CRPPA: variants seen among roughly 807,000 people sequenced by gnomAD.
The protein encoded by CRPPA is CDP-L-ribitol pyrophosphorylase A.
CRPPA carries 43 observed loss-of-function variants against 52.0 expected under a neutral mutation model. That is an observed-to-expected ratio of 0.83 (90% CI 0.65 to 1.07). CRPPA has a LOEUF of 1.07. Among genes scored for constraint, CRPPA ranks in the 50% least tolerant of loss-of-function variants. The pLI is 0.00. For synonymous variants in CRPPA, 250 were observed against 203.5 expected (o/e 1.23, Z -1.94); for missense variants, 629 against 551.7 (o/e 1.14, Z -1.40).
At chr7:16,239,220 CA>C (rs886303660) in intron 8 of CRPPA, among the ~76,000 whole-genome samples, 2 of 147,222 alleles carry the variant, frequency 1.4e-5, no homozygotes, top group African/African-American at 5.0e-5. Flanking sequence ...GAACTAAATT[CA>C]AAAACATTAA....
intron 9 of CRPPA, among the ~76,000 whole-genome samples, chr7:16,130,144 TAA>T (rs1200614866): frequency 2.0e-5 from 3 of 152,322 alleles, no homozygotes; most frequent in African/African-American, 7.2e-5. Flanking sequence ...ACTAGGATGT[TAA>T]AAAGAGTACA....
At position 16,090,313 on chromosome 7, in the gene CRPPA, A is replaced by G. The variant is rs1483104263; in HGVS notation, c.*1382T>C. On this transcript the variant is annotated 3_prime_UTR_variant, in exon 10 of 10. Transcript: ENST00000407010. ...CCAACATGTTAAATAAAAATTCCAC[A>G]AGGTAGATATTGTATAGTGTATCTT... is the stretch of plus-strand genomic sequence containing the variant. The G allele has an allele frequency of 1.3e-5, 2 of 152,130 alleles. No homozygotes were observed. The highest frequency in any genetic ancestry group is 2.9e-5 in the Non-Finnish European group (2 of 68,028). 9.4% of individuals were successfully genotyped at this position (152,130 alleles called of 1,614,324 possible). A position where few individuals can be genotyped will look rare whatever the true frequency, so the allele number is the denominator to read the frequency against.
intron 8 of CRPPA, among the ~76,000 whole-genome samples, chr7:16,222,434 T>TA (rs1554292939): frequency 6.7e-6 from 1 of 149,276 alleles, no homozygotes; most frequent in Non-Finnish European, 1.5e-5. Context: ...CCCTAAAACT[T>TA]AAAGTATAAT....
intron 9 of CRPPA, among the ~76,000 whole-genome samples, chr7:16,095,743 A>G (rs1460101078): frequency 6.6e-6 from 1 of 152,178 alleles, no homozygotes; most frequent in Non-Finnish European, 1.5e-5. Context: ...GAAAAGACAT[A>G]GATTAACAAT....
chr7:16,369,791 T>C (rs1291552614), intron 3 of CRPPA, among the ~76,000 whole-genome samples: 1 of 151,562 alleles, frequency 6.6e-6, no homozygotes, highest in African/African-American at 2.4e-5. Flanking sequence ...AGAACCACAA[T>C]AGGAACTTAA....
intron 9 of CRPPA, among the ~76,000 whole-genome samples, chr7:16,181,624 C>A (rs1251657960): frequency 6.6e-6 from 1 of 151,948 alleles, no homozygotes; most frequent in Non-Finnish European, 1.5e-5. Context: ...CCTGTCAGAG[C>A]ACATTTTTTC....
intron 9 of CRPPA, among the ~76,000 whole-genome samples, chr7:16,175,551 C>T (rs1466712271): frequency 1.3e-5 from 2 of 152,134 alleles, no homozygotes; most frequent in Non-Finnish European, 2.9e-5. Flanking sequence ...ACTATAACCA[C>T]TGAAGGGCCA....
rs1781763403 is a variant in CRPPA at position 16,089,210 on chromosome 7, A to G, written c.*2485T>C. On this transcript the variant is annotated 3_prime_UTR_variant, in exon 10 of 10. Transcript: ENST00000407010. Reference sequence around the variant, plus strand: ...CATATATGTGTGTATATACGTACGTATATACATATATGTGTGTATGCGTAC... The same window carrying G: ...CATATATGTGTGTATATACGTACGTGTATACATATATGTGTGTATGCGTAC... The G allele has an allele frequency of 2.7e-6, 1 of 364,084 alleles. No homozygotes were observed. Among genetic ancestry groups the G allele is most frequent in the Non-Finnish European group, 6.1e-6 (1 of 164,196 alleles). 22.6% of individuals were successfully genotyped at this position (364,084 alleles called of 1,614,324 possible). A position where few individuals can be genotyped will look rare whatever the true frequency, so the allele number is the denominator to read the frequency against.
In CRPPA at chr7:16,207,803, GTAA is replaced by G. The variant is rs1400289449; in HGVS notation, c.1251+8260_1251+8262del. 1.6e-4 allele frequency among the ~76,000 whole-genome samples: 25 copies of G among 152,290 alleles called. No homozygotes were observed. In the South Asian group the frequency reaches 2.1e-3, roughly 13 times the overall value. On this transcript the variant is annotated intron_variant, in intron 9 of 9. Coordinates refer to ENST00000407010, the MANE Select transcript of CRPPA (RefSeq NM_001101426.4). ...CATTTTAAATTTTTCATTGATATAAGTAATAGAGCAGGAGTTTTACTGAGTAAA... is the reference window on the plus strand; with the variant it reads ...CATTTTAAATTTTTCATTGATATAAGTAGAGCAGGAGTTTTACTGAGTAAA...
intron 9 of CRPPA, among the ~76,000 whole-genome samples, chr7:16,200,128 A>C (rs926093778): frequency 6.6e-6 from 1 of 152,092 alleles, no homozygotes; most frequent in Non-Finnish European, 1.5e-5. Flanking sequence ...AAAGTGCTGG[A>C]ATTAAAGGCG....
intron 6 of CRPPA, among the ~76,000 whole-genome samples, chr7:16,275,459 AG>A (rs140023636): frequency 1.2e-3 from 182 of 152,336 alleles, no homozygotes; most frequent in African/African-American, 4.3e-3. Flanking sequence ...GAGAAAGTAC[AG>A]GCAAAGGACG....
At chr7:16,124,606 T>C (rs1414001208) in intron 9 of CRPPA, among the ~76,000 whole-genome samples, 2 of 152,086 alleles carry the variant, frequency 1.3e-5, no homozygotes. Context: ...AGATACAAAA[T>C]TACAGCTAGA....
intron 8 of CRPPA, among the ~76,000 whole-genome samples, chr7:16,241,749 G>A (rs190434698): frequency 7.2e-5 from 11 of 152,006 alleles, no homozygotes; most frequent in African/African-American, 2.7e-4. Flanking sequence ...TTACTTTTTG[G>A]ATGTGGGAAG....
intron 3 of CRPPA, among the ~76,000 whole-genome samples, chr7:16,314,855 G>A (rs759411934): frequency 6.6e-6 from 1 of 152,016 alleles, no homozygotes; most frequent in Non-Finnish European, 1.5e-5. Context: ...ATATGCTTAG[G>A]TGTAGTTTAT....
At chr7:16,311,689 T>C (rs1785037619) in intron 3 of CRPPA, among the ~76,000 whole-genome samples, 1 of 152,124 alleles carries the variant, frequency 6.6e-6, no homozygotes, top group African/African-American at 2.4e-5. Flanking sequence ...AAGAGTATGT[T>C]TTGTAAGATG....
chr7:16,191,694 G>A (rs181695237), intron 9 of CRPPA, among the ~76,000 whole-genome samples: 288 of 152,198 alleles, frequency 1.9e-3, no homozygotes, highest in Non-Finnish European at 3.6e-3. Flanking sequence ...AGTGAAATGT[G>A]CTACCCCAAG....
At chr7:16,206,645 G>A (rs1244613007) in intron 9 of CRPPA, among the ~76,000 whole-genome samples, 1 of 152,048 alleles carries the variant, frequency 6.6e-6, no homozygotes, top group African/African-American at 2.4e-5. Context: ...CAAATTCTCT[G>A]TGGTACTCTT....
At chr7:16,238,084 C>T (rs1583455587) in intron 8 of CRPPA, among the ~76,000 whole-genome samples, 1 of 152,250 alleles carries the variant, frequency 6.6e-6, no homozygotes, top group Non-Finnish European at 1.5e-5. Context: ...TCCTGGCTAA[C>T]TCTGGTCATT....
At chr7:16,196,888 A>C (rs1781749352) in intron 9 of CRPPA, among the ~76,000 whole-genome samples, 1 of 152,194 alleles carries the variant, frequency 6.6e-6, no homozygotes, top group East Asian at 1.9e-4. Context: ...GTGTTTTCAT[A>C]ACCTAATGAG....
Sources: gnomAD v4.1 joint callset for allele counts (sites outside exome capture counted in the v4.1 genomes callset) on GRCh38, gnomAD v4.1.1 for gene constraint, MANE v1.5 for transcripts, NCBI Gene and HGNC (gene_info 2026-07-23, HGNC 2026-07-21) for gene names.